Variants in MTMR7 observed in about 807,000 individuals in gnomAD.
MTMR7 encodes phosphatidylinositol-3-phosphate phosphatase MTMR7.
In MTMR7, 76 loss-of-function variants were observed where a neutral mutation model predicts 81.2. The observed-to-expected ratio is 0.94, with a 90% CI of 0.78 to 1.13. MTMR7 has a LOEUF of 1.13. Ranked by LOEUF, MTMR7 falls within the 50% of genes most tolerant of loss-of-function variation. The pLI is 0.00. For synonymous variants in MTMR7, 372 were observed against 289.8 expected (o/e 1.28, Z -2.88); for missense variants, 1,044 against 820.0 (o/e 1.27, Z -3.34).
Position 17,413,346 on chromosome 8 carries a change from G to C in MTMR7, c.-54C>G. On this transcript the variant is annotated 5_prime_UTR_variant, in exon 1 of 14. Coordinates refer to ENST00000180173, the MANE Select transcript of MTMR7 (RefSeq NM_004686.5). Reference sequence around the variant, plus strand: ...CGGGCGCGGCCTCACGCACCTGCGCGCCTCTGCGGCGCGATGGGAGGGGCG... The same window carrying C: ...CGGGCGCGGCCTCACGCACCTGCGCCCCTCTGCGGCGCGATGGGAGGGGCG... The C allele has an allele frequency of 6.7e-7, 1 of 1,486,096 alleles. No homozygotes were observed. The highest frequency in any genetic ancestry group is 8.9e-7 in the Non-Finnish European group (1 of 1,118,984). The allele number at this position is 1,486,096 out of a possible 1,614,324, so 92.1% of individuals were successfully genotyped here. A position where few individuals can be genotyped will look rare whatever the true frequency, so the allele number is the denominator to read the frequency against.
intron 4 of MTMR7, among the ~76,000 whole-genome samples, chr8:17,349,810 T>C (rs945267889): frequency 1.3e-5 from 2 of 152,142 alleles, no homozygotes; most frequent in African/African-American, 4.8e-5. Flanking sequence ...ACTACCACAG[T>C]GGAAGGGTGC....
chr8:17,302,863 C>A (rs1020858280), intron 12 of MTMR7, among the ~76,000 whole-genome samples: 4 of 151,806 alleles, frequency 2.6e-5, no homozygotes, highest in East Asian at 1.9e-4. Flanking sequence ...CAGGCATGCA[C>A]CACCATGCCT....
intron 1 of MTMR7, among the ~76,000 whole-genome samples, chr8:17,381,477 T>C (rs894121579): frequency 5.3e-5 from 8 of 152,114 alleles, no homozygotes; most frequent in Non-Finnish European, 1.0e-4. Flanking sequence ...GGTCAAATAT[T>C]GAAGTGCTGA....
intron 1 of MTMR7, among the ~76,000 whole-genome samples, chr8:17,381,119 AG>A (rs1820744634): frequency 6.6e-6 from 1 of 152,238 alleles, no homozygotes; most frequent in Non-Finnish European, 1.5e-5. Flanking sequence ...TCTATCTTCA[AG>A]AATCTTATAG....
At chr8:17,302,003 G>A (rs1817148980) in intron 13 of MTMR7, 151 bp downstream of exon 13, 1 of 1,009,460 alleles carries the variant, frequency 9.9e-7, no homozygotes. Flanking sequence ...GGTTATCTGA[G>A]TCCTGACCTG....
Position 17,377,820 on chromosome 8 carries a change from T to C in MTMR7, c.25-4580A>G, listed in dbSNP as rs577971522. 7.2e-5 allele frequency among the ~76,000 whole-genome samples: 11 copies of C among 152,244 alleles called. No homozygotes were observed. In the East Asian group the frequency reaches 2.1e-3, roughly 29 times the overall value. On this transcript the variant is annotated intron_variant, in intron 1 of 13. Coordinates refer to ENST00000180173, the MANE Select transcript of MTMR7 (RefSeq NM_004686.5). ...GGGAAGCATTTTCCAAATTCTCATA[T>C]GGTTGGGATATTTTACTTAAACTTT... is the stretch of plus-strand genomic sequence containing the variant.
chr8:17,320,016 T>A (rs574275234), intron 7 of MTMR7, among the ~76,000 whole-genome samples: 4 of 152,316 alleles, frequency 2.6e-5, no homozygotes, highest in African/African-American at 9.6e-5. Flanking sequence ...TTTAAAGGCA[T>A]GCTACACACA....
chr8:17,404,906 A>T (rs1821533956), intron 1 of MTMR7, among the ~76,000 whole-genome samples: 1 of 152,102 alleles, frequency 6.6e-6, no homozygotes, highest in African/African-American at 2.4e-5. Context: ...GCTCACTGCA[A>T]CCTCTGCCTC....
In MTMR7 at chr8:17,302,288, G is replaced by C. The variant is rs1262081685; in HGVS notation, c.1494-8C>G. On this transcript the variant is annotated splice_polypyrimidine_tract_variant and splice_region_variant and intron_variant, in intron 12 of 13. Coordinates refer to ENST00000180173, the MANE Select transcript of MTMR7 (RefSeq NM_004686.5). ...TACATTCCACTCCAAAACCTGGAAA[G>C]GATGGCAAAGCGTCGTGATACCACC... 3.1e-6 allele frequency: 5 copies of C among 1,612,116 alleles called. No homozygotes were observed. Among genetic ancestry groups the C allele is most frequent in the East Asian group, 4.5e-5 (2 of 44,838 alleles).
At chr8:17,306,933 A>C (rs1439394103) in intron 10 of MTMR7, among the ~76,000 whole-genome samples, 1 of 145,742 alleles carries the variant, frequency 6.9e-6, no homozygotes, top group African/African-American at 2.6e-5. Context: ...ACTATAAAAA[A>C]CCCTAGAAGA....
chr8:17,365,580 T>G (rs1820200798), intron 3 of MTMR7, among the ~76,000 whole-genome samples: 2 of 152,148 alleles, frequency 1.3e-5, no homozygotes, highest in African/African-American at 4.8e-5. Flanking sequence ...GACCAGCAGC[T>G]TTCAGCAGGA....
At chr8:17,302,977 C>G (rs1321265068) in intron 12 of MTMR7, among the ~76,000 whole-genome samples, 1 of 152,046 alleles carries the variant, frequency 6.6e-6, no homozygotes, top group Non-Finnish European at 1.5e-5. Context: ...TCCCAAAGTG[C>G]TGGGATTATA....
At position 17,299,041 on chromosome 8, in the gene MTMR7, C is replaced by T. The variant is rs993205294; in HGVS notation, c.*821G>A. ...TATAATGTGATACTTTGAGATCAGG[C>T]TGGTGGCTGGCCCACACTGTCGGTA... On this transcript the variant is annotated 3_prime_UTR_variant, in exon 14 of 14. Coordinates refer to ENST00000180173, the MANE Select transcript of MTMR7 (RefSeq NM_004686.5). 2 of 152,190 alleles carry T rather than the reference C, an allele frequency of 1.3e-5. No individual in the cohort carries two copies. Among genetic ancestry groups the T allele is most frequent in the African/African-American group, 4.8e-5 (2 of 41,442 alleles). 9.4% of individuals were successfully genotyped at this position (152,190 alleles called of 1,614,324 possible).
chr8:17,356,252 T>A (rs1229808097), intron 4 of MTMR7, among the ~76,000 whole-genome samples: 3 of 152,264 alleles, frequency 2.0e-5, no homozygotes, highest in Non-Finnish European at 4.4e-5. Context: ...CCTTTAATGG[T>A]TACAAACTAA....
intron 5 of MTMR7, among the ~76,000 whole-genome samples, chr8:17,346,360 G>T (rs1819551039): frequency 6.6e-6 from 1 of 152,118 alleles, no homozygotes. Context: ...ACACATCTCT[G>T]TTCTGTACCT....
At position 17,348,581 on chromosome 8, in the gene MTMR7, A is replaced by G. The variant is rs569354987; in HGVS notation, c.597+372T>C. Among the ~76,000 whole-genome samples the G allele has an allele frequency of 2.3e-4, 35 of 150,162 alleles. 1 individual carries two copies. Among genetic ancestry groups the G allele is most frequent in the African/African-American group, 8.3e-4 (34 of 40,920 alleles). Reference sequence around the variant, plus strand: ...AAAAAAAAAAAAACGTAATAGAGAAAAAGAATGGGCCATGGACTTCGGGGG... The same window carrying G: ...AAAAAAAAAAAAACGTAATAGAGAAGAAGAATGGGCCATGGACTTCGGGGG... On this transcript the variant is annotated intron_variant, in intron 5 of 13. Transcript: ENST00000180173.
At chr8:17,392,404 A>G (rs926807260) in intron 1 of MTMR7, among the ~76,000 whole-genome samples, 1 of 152,232 alleles carries the variant, frequency 6.6e-6, no homozygotes, top group Admixed American at 6.5e-5. Context: ...TCACAAGCAT[A>G]TAAATGTTTC....
Position 17,298,005 on chromosome 8 carries a change from G to A in MTMR7, c.*1857C>T, listed in dbSNP as rs1816837887. 4 of 151,942 alleles carry A rather than the reference G, an allele frequency of 2.6e-5. No homozygotes were observed. The highest frequency in any genetic ancestry group is 2.6e-4 in the Admixed American group (4 of 15,262). The allele number at this position is 151,942 out of a possible 1,614,324, so 9.4% of individuals were successfully genotyped here. A position where few individuals can be genotyped will look rare whatever the true frequency, so the allele number is the denominator to read the frequency against. ...TATACTATTTGCTTTTCAAATAAAA[G>A]CATAGTGCTGTTTGGCATAGATACT... On this transcript the variant is annotated 3_prime_UTR_variant, in exon 14 of 14. Transcript: ENST00000180173.
At chr8:17,375,695 A>C (rs944547619) in intron 1 of MTMR7, among the ~76,000 whole-genome samples, 2 of 152,212 alleles carry the variant, frequency 1.3e-5, no homozygotes, top group African/African-American at 4.8e-5. Flanking sequence ...CTGCGTCCTT[A>C]CCAAACTTTT....
Sources: gnomAD v4.1 joint callset for allele counts (sites outside exome capture counted in the v4.1 genomes callset) on GRCh38, gnomAD v4.1.1 for gene constraint, MANE v1.5 for transcripts, NCBI Gene and HGNC (gene_info 2026-07-23, HGNC 2026-07-21) for gene names.